SCARB1: variants seen among roughly 807,000 people sequenced by gnomAD.
SCARB1 encodes the protein scavenger receptor class B member 1.
SCARB1 carries 30 observed loss-of-function variants against 57.2 expected under a neutral mutation model. The ratio of observed to expected loss-of-function variants is 0.52; its 90% CI spans 0.39 to 0.71. SCARB1 has a LOEUF of 0.71. SCARB1 is among the 30% of genes least tolerant of loss of function. The probability of loss-of-function intolerance (pLI) is 0.00; values close to 1 mark genes in which losing one functional copy is unlikely to be tolerated. For missense variants in SCARB1, 543 were observed against 671.2 expected, an observed-to-expected ratio of 0.81 and a Z score of 2.11; for synonymous variants, 249 against 268.3, an observed-to-expected ratio of 0.93 and a Z score of 0.70.
intron 11 of SCARB1, chr12:124,783,893 C>G (rs1430429909): frequency 6.6e-6 from 1 of 152,210 alleles, no homozygotes; most frequent in East Asian, 1.9e-4. Context: ...CCAGTGAAAC[C>G]TGCAGGGAGG....
intron 1 of SCARB1, among the ~76,000 whole-genome samples, chr12:124,823,365 G>C (rs975171223): frequency 2.0e-5 from 3 of 152,298 alleles, no homozygotes; most frequent in South Asian, 2.1e-4. Flanking sequence ...TACACAAATA[G>C]CCAACAAGCT....
chr12:124,791,933 G>A (rs1056333945), intron 9 of SCARB1, among the ~76,000 whole-genome samples: 4 of 151,106 alleles, frequency 2.6e-5, no homozygotes, highest in Admixed American at 6.6e-5. Context: ...CAGCCTGGGC[G>A]ACAAGAGCAA....
chr12:124,839,545 C>T (rs895729508), intron 1 of SCARB1: 53 of 907,588 alleles, frequency 5.8e-5, no homozygotes, highest in Middle Eastern at 5.6e-4. Context: ...GTTCCCACTT[C>T]CATTTCTTTG....
rs1183802916 is a variant in SCARB1 at position 124,837,534 on chromosome 12, GAAAGAAAAGAAAAGA to G, written c.127-19842_127-19828del. Among the ~76,000 whole-genome samples, 16 of 79,408 alleles carry G rather than the reference GAAAGAAAAGAAAAGA, an allele frequency of 2.0e-4. 1 individual carries two copies. Among genetic ancestry groups the G allele is most frequent in the African/African-American group, 7.9e-4 (14 of 17,764 alleles). 52.1% of individuals were successfully genotyped at this position (79,408 alleles called of 152,430 possible). A position where few individuals can be genotyped will look rare whatever the true frequency, so the allele number is the denominator to read the frequency against. ...AAAAAGAAAAGAAAGGAAAGAAAAAGAAAGAAAAGAAAAGAAAAGAAAAGAAAAGAAAAGAAAAGA... is the reference window on the plus strand; with the variant it reads ...AAAAAGAAAAGAAAGGAAAGAAAAAGAAAGAAAAGAAAAGAAAAGAAAAGA... On this transcript the variant is annotated intron_variant, in intron 1 of 12. Transcript: ENST00000261693.
At chr12:124,833,645 C>G (rs1214349114) in intron 1 of SCARB1, among the ~76,000 whole-genome samples, 1 of 152,154 alleles carries the variant, frequency 6.6e-6, no homozygotes, top group Admixed American at 6.5e-5. Context: ...ACACAGCCCC[C>G]TCCACCCCAG....
chr12:124,818,178 A>T (rs1042619521), intron 1 of SCARB1, among the ~76,000 whole-genome samples: 4 of 152,212 alleles, frequency 2.6e-5, no homozygotes, highest in Admixed American at 1.3e-4. Context: ...AGGACAGACC[A>T]AAAGCCCAGC....
At chr12:124,854,875 CG>C (rs1952568409) in intron 1 of SCARB1, among the ~76,000 whole-genome samples, 1 of 152,022 alleles carries the variant, frequency 6.6e-6, no homozygotes, top group African/African-American at 2.4e-5. Flanking sequence ...GTTGGACACT[CG>C]GGGGTGGGGT....
chr12:124,790,103 A>G (rs1056303700), intron 9 of SCARB1, among the ~76,000 whole-genome samples: 1 of 138,852 alleles, frequency 7.2e-6, no homozygotes, highest in African/African-American at 2.7e-5. Context: ...GGCCAAGTGC[A>G]GTGGTTCACG....
In SCARB1 at chr12:124,860,071, G is replaced by A. The variant is rs561257484; in HGVS notation, c.126+3524C>T. On this transcript the variant is annotated intron_variant, in intron 1 of 12. Transcript: ENST00000261693. ...GTTCAAGCTATTCTCCTGCTTCAGCGTCCCGAATAGCTGGGATTACAGGCG... is the reference window on the plus strand; with the variant it reads ...GTTCAAGCTATTCTCCTGCTTCAGCATCCCGAATAGCTGGGATTACAGGCG... Among the ~76,000 whole-genome samples, 14 of 151,184 alleles carry A rather than the reference G, an allele frequency of 9.3e-5. No homozygotes were observed. In the South Asian group the frequency reaches 1.9e-3, roughly 20 times the overall value.
chr12:124,797,893 C>T (rs536561001), intron 8 of SCARB1, among the ~76,000 whole-genome samples: 6 of 152,228 alleles, frequency 3.9e-5, no homozygotes, highest in East Asian at 1.9e-4. Flanking sequence ...TTGTGGCAAA[C>T]GTGTGGAGCT....
At position 124,863,673 on chromosome 12, in the gene SCARB1, G is replaced by T; in HGVS notation, c.48C>A (p.Val16=). Residue 16 remains valine (V), a synonymous_variant, in exon 1 of 13, where the codon GTC becomes GTA. Transcript: ENST00000261693. ...CCAGCACAGCGCACAGTAGCCCCGC[G>T]ACGCCCAGCGCCCCGGCAGCCCAGC... ...KARWAAGALG[V]AGLLCAVLGA... is the part of the protein sequence containing the mutation. The T allele has an allele frequency of 6.4e-7, 1 of 1,566,348 alleles. No individual in the cohort carries two copies. The highest frequency in any genetic ancestry group is 1.2e-5 in the South Asian group (1 of 85,292).
Position 124,792,852 on chromosome 12 carries a change from G to A in SCARB1, c.1202+2343C>T, listed in dbSNP as rs534112442. 1.7e-3 allele frequency among the ~76,000 whole-genome samples: 255 copies of A among 151,766 alleles called. 4 individuals carry two copies. Among genetic ancestry groups the A allele is most frequent in the African/African-American group, 6.0e-3 (249 of 41,380 alleles). On this transcript the variant is annotated intron_variant, in intron 9 of 12. Transcript: ENST00000261693. ...CAGAGGATGTGGCCACACTGAGCCC[G>A]CATTTCCATGGGGCTACAGTCAGCT...
chr12:124,809,439 ATAAG>A (rs1205050929), intron 6 of SCARB1, among the ~76,000 whole-genome samples: 2 of 152,192 alleles, frequency 1.3e-5, no homozygotes, highest in South Asian at 2.1e-4. Flanking sequence ...AAATAAATAA[ATAAG>A]TAAAAACTTA....
chr12:124,781,197 C>G (rs767410595), intron 12 of SCARB1, among the ~76,000 whole-genome samples: 1 of 152,226 alleles, frequency 6.6e-6, no homozygotes, highest in Non-Finnish European at 1.5e-5. Context: ...CCAACAGGCT[C>G]CTGCCTGCCC....
chr12:124,817,551 T>A lies in SCARB1; in HGVS notation c.283A>T (p.Arg95Trp). 6.2e-7 allele frequency: 1 copy of A among 1,613,760 alleles called. No individual in the cohort carries two copies. The highest frequency in any genetic ancestry group is 8.5e-7 in the Non-Finnish European group (1 of 1,179,980). Reference sequence around the variant, plus strand: ...ACCCTCACCTGGACACAGCCTCACCTGTACACGTAGGGCCCGCGCTCCCGC... The same window carrying A: ...ACCCTCACCTGGACACAGCCTCACCAGTACACGTAGGGCCCGCGCTCCCGC... ...QVRERGPYVY[R>W]EFRHKSNITF... is the part of the protein sequence containing the mutation. The change falls in exon 2 of 13, where the codon AGG (arginine) becomes TGG (tryptophan). Residue 95 changes from arginine to tryptophan, a missense_variant and splice_region_variant. Physicochemically the swap from Arg to Trp is moderately radical, Grantham distance 101 (BLOSUM62 -3). Coordinates refer to ENST00000261693, the MANE Select transcript of SCARB1 (RefSeq NM_005505.5). The surrounding 1 kb of genome is among the most constrained non-coding windows in gnomAD (Gnocchi z 4.8).
intron 1 of SCARB1, among the ~76,000 whole-genome samples, chr12:124,840,276 C>T (rs539152316): frequency 2.6e-5 from 4 of 152,110 alleles, no homozygotes; most frequent in Non-Finnish European, 2.9e-5. Context: ...CAGGTTCAAA[C>T]GATTCTCCTG....
chr12:124,810,605 G>T lies in SCARB1; in HGVS notation c.727-316C>A, dbSNP rs1370512115. The stretch of plus-strand genomic sequence containing the variant: ...GCAGGTGAGGTGAGAGGTGGGGCGC[G>T]GCTGTGCTCAGCCCTCAGAGCGGAA... On this transcript the variant is annotated intron_variant, in intron 5 of 12. Transcript: ENST00000261693. This position sits in a 1 kb window ranked among gnomAD's most constrained non-coding sequence, Gnocchi z 4.0. Among the ~76,000 whole-genome samples the T allele has an allele frequency of 6.6e-6, 1 of 152,178 alleles. No individual in the cohort carries two copies. The highest frequency in any genetic ancestry group is 1.5e-5 in the Non-Finnish European group (1 of 68,024).
chr12:124,832,468 C>T lies in SCARB1; in HGVS notation c.127-14761G>A, dbSNP rs1232288030. Reference sequence around the variant, plus strand: ...CTGGAAGGCAGAGGTTCTAGTGAGCCGAGATTGTGCCACTGCACTCCAGCC... The same window carrying T: ...CTGGAAGGCAGAGGTTCTAGTGAGCTGAGATTGTGCCACTGCACTCCAGCC... On this transcript the variant is annotated intron_variant, in intron 1 of 12. Coordinates refer to ENST00000261693, the MANE Select transcript of SCARB1 (RefSeq NM_005505.5). Among the ~76,000 whole-genome samples, 8 of 151,060 alleles carry T rather than the reference C, an allele frequency of 5.3e-5. No homozygotes were observed. In the South Asian group the frequency reaches 1.0e-3, roughly 20 times the overall value.
intron 12 of SCARB1, among the ~76,000 whole-genome samples, chr12:124,780,074 C>T (rs79515929): frequency 0.027 from 4,109 of 152,316 alleles, 188 homozygotes; most frequent in African/African-American, 0.091. Flanking sequence ...GAACAAAACC[C>T]GCAGGTGCCA....
Sources: gnomAD v4.1 joint callset for allele counts (sites outside exome capture counted in the v4.1 genomes callset) on GRCh38, gnomAD v4.1.1 for gene constraint, Gnocchi (gnomAD v3.1) non-coding constraint, MANE v1.5 for transcripts, NCBI Gene and HGNC (gene_info 2026-07-23, HGNC 2026-07-21) for gene names.